The following NDUFAF6 variants were observed in gnomAD, a reference collection of about 807,000 sequenced individuals.
NDUFAF6 encodes the protein NADH:ubiquinone oxidoreductase complex assembly factor 6.
A neutral mutation model predicts 40.8 loss-of-function variants in NDUFAF6; 45 were observed. That is an observed-to-expected ratio of 1.10 (90% CI 0.87 to 1.42). The LOEUF (loss-of-function observed/expected upper bound fraction) is 1.42. Among genes scored for constraint, NDUFAF6 ranks in the 40% most tolerant of loss-of-function variants. The probability of loss-of-function intolerance (pLI) is 0.00; values close to 1 mark genes in which losing one functional copy is unlikely to be tolerated. For missense variants in NDUFAF6, 435 were observed against 418.5 expected (o/e 1.04, Z -0.34); for synonymous variants, 185 against 155.9 (o/e 1.19, Z -1.39).
intron 2 of NDUFAF6, among the ~76,000 whole-genome samples, chr8:95,009,104 G>A (rs1827124438): frequency 6.6e-6 from 1 of 151,942 alleles, no homozygotes; most frequent in African/African-American, 2.4e-5. Context: ...GGAAGCTAAG[G>A]TGGGAGGATT....
At chr8:94,897,029 G>C (rs1442395688) in intron 1 of NDUFAF6, among the ~76,000 whole-genome samples, 4 of 152,178 alleles carry the variant, frequency 2.6e-5, no homozygotes, top group Non-Finnish European at 4.4e-5. Context: ...TCAAAACGCA[G>C]TTAGCGGTAT....
At chr8:95,005,554 A>AAAT (rs1826940036) in intron 2 of NDUFAF6, among the ~76,000 whole-genome samples, 6 of 115,354 alleles carry the variant, frequency 5.2e-5, no homozygotes, top group Non-Finnish European at 8.4e-5. Flanking sequence ...TATATATATA[A>AAAT]AAAATATATT....
chr8:95,029,869 G>A (rs1370831050), intron 1 of NDUFAF6, among the ~76,000 whole-genome samples: 2 of 152,020 alleles, frequency 1.3e-5, no homozygotes, highest in Non-Finnish European at 2.9e-5. Context: ...CTCTTACTAC[G>A]TGGTTGAAAA....
At chr8:95,110,272 T>A (rs1161091536) in intron 4 of NDUFAF6, among the ~76,000 whole-genome samples, 5 of 152,234 alleles carry the variant, frequency 3.3e-5, no homozygotes, top group African/African-American at 4.8e-5. Flanking sequence ...AGGCAGAACA[T>A]GCTTCAGCTT....
intron 1 of NDUFAF6, among the ~76,000 whole-genome samples, chr8:94,901,312 T>C (rs190125770): frequency 1.7e-4 from 26 of 151,474 alleles, no homozygotes; most frequent in Admixed American, 1.6e-3. Context: ...GGGAAAAGAG[T>C]AGAAGCAGGG....
At chr8:94,935,119 G>GTACA in intron 1 of NDUFAF6, among the ~76,000 whole-genome samples, 1 of 115,850 alleles carries the variant, frequency 8.6e-6, no homozygotes, top group East Asian at 2.4e-4. Flanking sequence ...AGGTACATAG[G>GTACA]TAGATAGATA....
chr8:95,112,588 C>T (rs1438924972), intron 4 of NDUFAF6, among the ~76,000 whole-genome samples: 1 of 152,200 alleles, frequency 6.6e-6, no homozygotes, highest in Non-Finnish European at 1.5e-5. Flanking sequence ...ACAATCTGTT[C>T]TGGCAGCCAC....
At chr8:95,091,353 C>G (rs192774693) in intron 2 of NDUFAF6, among the ~76,000 whole-genome samples, 3 of 152,138 alleles carry the variant, frequency 2.0e-5, no homozygotes, top group Non-Finnish European at 4.4e-5. Flanking sequence ...ATAAAACCAT[C>G]AGATCTCATG....
chr8:94,903,815 T>C (rs1294928179), intron 1 of NDUFAF6, among the ~76,000 whole-genome samples: 1 of 152,194 alleles, frequency 6.6e-6, no homozygotes, highest in Non-Finnish European at 1.5e-5. Context: ...CTGAACTATT[T>C]ACTCACTCCT....
intron 2 of NDUFAF6, among the ~76,000 whole-genome samples, chr8:94,998,076 A>T (rs113266568): frequency 0.01 from 1,556 of 152,266 alleles, 14 homozygotes; most frequent in Non-Finnish European, 0.016. Context: ...GACTAGATTT[A>T]CCTTAAGCTT....
chr8:95,020,576 A>G (rs1436523631), upstream of NDUFAF6, among the ~76,000 whole-genome samples: 1 of 152,186 alleles, frequency 6.6e-6, no homozygotes. Context: ...ACCAGCCCAC[A>G]CCAGCCCCTC....
At chr8:94,987,591 TG>T (rs1169098657) in intron 2 of NDUFAF6, among the ~76,000 whole-genome samples, 5 of 152,154 alleles carry the variant, frequency 3.3e-5, no homozygotes, top group Non-Finnish European at 7.4e-5. Flanking sequence ...AAAAATGCAC[TG>T]GAAGAGCAGC....
chr8:94,912,347 C>T (rs1389239120), intron 1 of NDUFAF6, among the ~76,000 whole-genome samples: 3 of 152,170 alleles, frequency 2.0e-5, no homozygotes, highest in African/African-American at 7.2e-5. Flanking sequence ...CAGAGCTTTT[C>T]AGATTTTTTG....
At chr8:94,981,308 C>T (rs1825425747) in intron 2 of NDUFAF6, among the ~76,000 whole-genome samples, 1 of 152,210 alleles carries the variant, frequency 6.6e-6, no homozygotes, top group African/African-American at 2.4e-5. Flanking sequence ...GCAGGAGGCC[C>T]TCACCAGATG....
At chr8:94,901,510 G>A (rs1274601494) in intron 1 of NDUFAF6, among the ~76,000 whole-genome samples, 1 of 151,282 alleles carries the variant, frequency 6.6e-6, no homozygotes, top group East Asian at 1.9e-4. Flanking sequence ...TCACTCAGAG[G>A]AACAGCTATG....
chr8:94,985,949 C>A (rs1825869640), intron 2 of NDUFAF6, among the ~76,000 whole-genome samples: 1 of 151,586 alleles, frequency 6.6e-6, no homozygotes, highest in Non-Finnish European at 1.5e-5. Flanking sequence ...TCTCGGCTCA[C>A]TGCAAGCTCT....
chr8:94,939,634 G>C, intron 1 of NDUFAF6: 1 of 540,884 alleles, frequency 1.8e-6, no homozygotes, highest in East Asian at 3.9e-5. Flanking sequence ...CTGAGCTTAA[G>C]TGATCTGCCT....
In NDUFAF6 at chr8:95,052,156, TCTC is replaced by T; in HGVS notation, c.817-14_817-12del. 1 of 1,613,946 alleles carries T rather than the reference TCTC, an allele frequency of 6.2e-7. No homozygotes were observed. The highest frequency in any genetic ancestry group is 8.5e-7 in the Non-Finnish European group (1 of 1,179,862). On this transcript the variant is annotated splice_polypyrimidine_tract_variant and intron_variant, in intron 7 of 8. Transcript: ENST00000396124. ...TTTGCTTAATTTTGAACGAGCTTCC[TCTC>T]CTCTTCCTTTTTAGGCTAGGTCCTT...
intron 2 of NDUFAF6, among the ~76,000 whole-genome samples, chr8:94,982,208 G>A (rs532483141): frequency 6.6e-6 from 1 of 151,770 alleles, no homozygotes; most frequent in South Asian, 2.1e-4. Context: ...CTCCAGCCTG[G>A]GCAACAGAGC....
Sources: allele counts gnomAD v4.1 joint callset (sites outside exome capture counted in the v4.1 genomes callset), GRCh38; gene constraint gnomAD v4.1.1; transcripts MANE v1.5; gene names NCBI Gene and HGNC (gene_info 2026-07-23, HGNC 2026-07-21).